The following ZFPM2 variants were observed in gnomAD, a reference collection of about 807,000 sequenced individuals.
ZFPM2 encodes zinc finger protein, FOG family member 2, also known as zinc finger protein ZFPM2.
Under a neutral mutation model 98.6 loss-of-function variants are expected in ZFPM2, and 20 were observed. The ratio of observed to expected loss-of-function variants is 0.20; its 90% CI spans 0.14 to 0.29. The LOEUF (loss-of-function observed/expected upper bound fraction) is 0.29, where lower values mean the gene tolerates loss of function less well. Among genes scored for constraint, ZFPM2 ranks in the 10% least tolerant of loss-of-function variants. The probability of loss-of-function intolerance (pLI) is 1.00; values close to 1 mark genes in which losing one functional copy is unlikely to be tolerated. For missense variants in ZFPM2, 1,310 were observed against 1,388.6 expected (o/e 0.94, Z 0.90); for synonymous variants, 518 against 502.7 (o/e 1.03, Z -0.41).
intron 4 of ZFPM2, among the ~76,000 whole-genome samples, chr8:105,563,874 C>G (rs1563721648): frequency 6.6e-6 from 1 of 152,048 alleles, no homozygotes; most frequent in Non-Finnish European, 1.5e-5. Flanking sequence ...ACTGTATCAG[C>G]TATAGTTGAC....
chr8:105,772,573 T>A (rs1813003004), intron 5 of ZFPM2, among the ~76,000 whole-genome samples: 3 of 152,162 alleles, frequency 2.0e-5, no homozygotes, highest in African/African-American at 7.2e-5. Context: ...TATGATAGTC[T>A]CAACCATTCA....
intron 7 of ZFPM2, 83 bp downstream of exon 7, chr8:105,799,031 A>G: frequency 1.6e-6 from 2 of 1,224,700 alleles, no homozygotes; most frequent in Non-Finnish European, 2.3e-6. Context: ...GTATACGTCT[A>G]TATCTGTCTA....
At chr8:105,545,736 T>C (rs914165861) in intron 3 of ZFPM2, among the ~76,000 whole-genome samples, 3 of 152,204 alleles carry the variant, frequency 2.0e-5, no homozygotes, top group African/African-American at 7.2e-5. Context: ...TTATCTTCAT[T>C]ATTTTAAAAT....
intron 3 of ZFPM2, among the ~76,000 whole-genome samples, chr8:105,534,450 C>CCTTCCTTCCTCT (rs1299429244): frequency 6.8e-6 from 1 of 147,042 alleles, no homozygotes; most frequent in African/African-American, 2.6e-5. Flanking sequence ...TTCCTCTCTT[C>CCTTCCTTCCTCT]CTTCCTTCCT....
chr8:105,704,305 T>A (rs1811207939), intron 5 of ZFPM2, among the ~76,000 whole-genome samples: 1 of 152,206 alleles, frequency 6.6e-6, no homozygotes, highest in Non-Finnish European at 1.5e-5. Context: ...GAAAACTATC[T>A]GTTCTAAATC....
intron 3 of ZFPM2, among the ~76,000 whole-genome samples, chr8:105,448,832 T>C (rs1812430759): frequency 6.6e-6 from 1 of 152,068 alleles, no homozygotes; most frequent in Non-Finnish European, 1.5e-5. Flanking sequence ...TAAACGTAAG[T>C]GGTCTTCCCT....
At chr8:105,448,351 T>A (rs1782951524) in intron 3 of ZFPM2, among the ~76,000 whole-genome samples, 1 of 152,062 alleles carries the variant, frequency 6.6e-6, no homozygotes, top group South Asian at 2.1e-4. Flanking sequence ...TTCTTTTCTT[T>A]GATTGTCCTC....
chr8:105,454,020 A>G (rs1812537971), intron 3 of ZFPM2, among the ~76,000 whole-genome samples: 1 of 152,260 alleles, frequency 6.6e-6, no homozygotes, highest in South Asian at 2.1e-4. Context: ...TATTCTTAAT[A>G]TTATCTAAAA....
intron 5 of ZFPM2, among the ~76,000 whole-genome samples, chr8:105,773,147 T>TA (rs1205056651): frequency 5.3e-5 from 8 of 152,202 alleles, no homozygotes; most frequent in Non-Finnish European, 1.2e-4. Context: ...TGCTGGTTGT[T>TA]ACTTTTTCAA....
intron 5 of ZFPM2, among the ~76,000 whole-genome samples, chr8:105,706,315 A>T (rs1811259205): frequency 6.6e-6 from 1 of 152,208 alleles, no homozygotes; most frequent in Admixed American, 6.5e-5. Flanking sequence ...CCTAAAATAC[A>T]AAAATCAGAA....
At position 105,634,257 on chromosome 8, in the gene ZFPM2, T is replaced by G; in HGVS notation, c.432T>G (p.Ala144=). 1 of 1,612,180 alleles carries G rather than the reference T, an allele frequency of 6.2e-7. No homozygotes were observed. The highest frequency in any genetic ancestry group is 8.5e-7 in the Non-Finnish European group (1 of 1,179,108). Residue 144 remains alanine (A), a synonymous_variant, in exon 5 of 8, where the codon GCT becomes GCG. Transcript: ENST00000407775. ...DLNNNSLKTK[A]QVPMVLTAGP... Reference sequence around the variant, plus strand: ...CATTCTTTCTACAGAAGACAAAGGCTCAGGTCCCAATGGTGCTGACTGCTG... The same window carrying G: ...CATTCTTTCTACAGAAGACAAAGGCGCAGGTCCCAATGGTGCTGACTGCTG...
intron 5 of ZFPM2, among the ~76,000 whole-genome samples, chr8:105,736,992 A>G (rs1484100087): frequency 6.6e-6 from 1 of 151,914 alleles, no homozygotes; most frequent in Non-Finnish European, 1.5e-5. Context: ...TTTTTTTCAC[A>G]CAAAATTCTT....
intron 5 of ZFPM2, among the ~76,000 whole-genome samples, chr8:105,766,668 GA>G (rs1812859068): frequency 6.6e-6 from 1 of 151,812 alleles, no homozygotes; most frequent in African/African-American, 2.4e-5. Flanking sequence ...TGGCTATGAA[GA>G]GTGAAGACAA....
intron 1 of ZFPM2, among the ~76,000 whole-genome samples, chr8:105,416,390 C>G (rs891047729): frequency 4.6e-5 from 7 of 151,400 alleles, no homozygotes; most frequent in African/African-American, 1.7e-4. Context: ...TAAAAAAGTA[C>G]CTATGTCTAG....
chr8:105,730,003 T>C (rs1811894632), intron 5 of ZFPM2, among the ~76,000 whole-genome samples: 1 of 151,520 alleles, frequency 6.6e-6, no homozygotes, highest in African/African-American at 2.4e-5. Flanking sequence ...GCTGTGAGTT[T>C]CATTTATTAC....
At chr8:105,510,410 TTTG>T (rs555467425) in intron 3 of ZFPM2, among the ~76,000 whole-genome samples, 38,884 of 137,406 alleles carry the variant, frequency 0.28, 5,822 homozygotes, top group African/African-American at 0.5. Flanking sequence ...TTTTTTTTTT[TTTG>T]TTTGTTTGTT....
chr8:105,398,506 C>T (rs1039467538), intron 1 of ZFPM2, among the ~76,000 whole-genome samples: 2 of 152,100 alleles, frequency 1.3e-5, no homozygotes, highest in African/African-American at 4.8e-5. Context: ...GGACTGGTTT[C>T]ATGGAAGACA....
intron 2 of ZFPM2, among the ~76,000 whole-genome samples, chr8:105,435,076 A>C (rs537708737): frequency 6.6e-6 from 1 of 152,342 alleles, no homozygotes; most frequent in Non-Finnish European, 1.5e-5. Context: ...TTCAAAGACT[A>C]TATTCAAGTG....
Position 105,668,154 on chromosome 8 carries a change from C to T in ZFPM2, c.532+33797C>T, listed in dbSNP as rs1403077782. Reference sequence around the variant, plus strand: ...AGGCCATTGGCTCTTCTCAGCTCCACGTACCTTAGGAAGCAGTTGCCAAAT... The same window carrying T: ...AGGCCATTGGCTCTTCTCAGCTCCATGTACCTTAGGAAGCAGTTGCCAAAT... On this transcript the variant is annotated intron_variant, in intron 5 of 7. Coordinates refer to ENST00000407775, the MANE Select transcript of ZFPM2 (RefSeq NM_012082.4). Among the ~76,000 whole-genome samples the T allele has an allele frequency of 3.9e-5, 6 of 152,300 alleles. No homozygotes were observed. The East Asian group carries it at 7.7e-4, about 20-fold the overall frequency.
Sources: allele counts gnomAD v4.1 joint callset (sites outside exome capture counted in the v4.1 genomes callset), GRCh38; gene constraint gnomAD v4.1.1; transcripts MANE v1.5; gene names NCBI Gene and HGNC (gene_info 2026-07-23, HGNC 2026-07-21).